Variants in CYSTM1 observed in about 807,000 individuals in gnomAD.
CYSTM1 encodes cysteine-rich transmembrane module-containing protein 1.
Under a neutral mutation model 13.1 loss-of-function variants are expected in CYSTM1, and 4 were observed. The ratio of observed to expected loss-of-function variants is 0.31; its 90% confidence interval spans 0.15 to 0.70. The LOEUF (loss-of-function observed/expected upper bound fraction) is 0.70, where lower values mean the gene tolerates loss of function less well. CYSTM1 is among the 30% of genes least tolerant of loss of function. CYSTM1 has a pLI of 0.72. For missense variants in CYSTM1, 96 were observed against 121.6 expected, an observed-to-expected ratio of 0.79 and a Z score of 0.99; for synonymous variants, 36 against 42.7, an observed-to-expected ratio of 0.84 and a Z score of 0.62.
rs148210899 is a variant in CYSTM1, at chr5:140,224,859, G to T, written c.188-18446G>T. On this transcript the variant is annotated intron_variant, in intron 2 of 2. Coordinates refer to ENST00000261811, the MANE Select transcript of CYSTM1 (RefSeq NM_032412.4). The stretch of plus-strand genomic sequence containing the variant: ...TTATAAGGAGTTGTCTATGCTATGG[G>T]AATACATCAGTCATCGTGGTTTCAC... 2.6e-5 allele frequency among the ~76,000 whole-genome samples: 4 copies of T among 152,260 alleles called. No individual in the cohort carries two copies. The East Asian group carries it at 7.7e-4, about 29-fold the overall frequency.
chr5:140,193,529 G>A (rs1337376931), intron 1 of CYSTM1, among the ~76,000 whole-genome samples: 1 of 152,084 alleles, frequency 6.6e-6, no homozygotes, highest in African/African-American at 2.4e-5. Context: ...CGCCCGCCTC[G>A]GCCTCCCAAA....
intron 2 of CYSTM1, among the ~76,000 whole-genome samples, chr5:140,235,095 T>C (rs1420744710): frequency 6.6e-6 from 1 of 151,720 alleles, no homozygotes; most frequent in African/African-American, 2.4e-5. Context: ...GCCTCCTAAG[T>C]AGCTGGGATT....
At chr5:140,188,431 A>G (rs1296584797) in intron 1 of CYSTM1, among the ~76,000 whole-genome samples, 1 of 152,220 alleles carries the variant, frequency 6.6e-6, no homozygotes, top group Non-Finnish European at 1.5e-5. Flanking sequence ...GCATGGATAT[A>G]TATCTGAAAG....
At chr5:140,182,949 C>T (rs1174617707) in intron 1 of CYSTM1, among the ~76,000 whole-genome samples, 2 of 152,278 alleles carry the variant, frequency 1.3e-5, no homozygotes, top group African/African-American at 4.8e-5. Context: ...CTGCTGCTCC[C>T]TCAGAGGGTC....
intron 2 of CYSTM1, among the ~76,000 whole-genome samples, chr5:140,214,075 G>A (rs1764401634): frequency 6.6e-6 from 1 of 152,204 alleles, no homozygotes; most frequent in African/African-American, 2.4e-5. Flanking sequence ...GATGAGAATG[G>A]TTTTTAGTGA....
chr5:140,239,295 AC>A lies in CYSTM1; in HGVS notation c.188-4008del, dbSNP rs1764720050. Among the ~76,000 whole-genome samples, 1 of 151,988 alleles carries A rather than the reference AC, an allele frequency of 6.6e-6. No homozygotes were observed. Among genetic ancestry groups the A allele is most frequent in the Non-Finnish European group, 1.5e-5 (1 of 67,986 alleles). ...CTTCCTGCAGGTCATCCCTGCCCTG[AC>A]CTCTATGGAAACTGGAGCCCCACTT... is the stretch of plus-strand genomic sequence containing the variant. On this transcript the variant is annotated intron_variant, in intron 2 of 2. Transcript: ENST00000261811. The surrounding 1 kb of genome is among the most constrained non-coding windows in gnomAD (Gnocchi z 5.4).
At chr5:140,206,180 T>C (rs1220217073) in intron 2 of CYSTM1, among the ~76,000 whole-genome samples, 1 of 152,136 alleles carries the variant, frequency 6.6e-6, no homozygotes, top group Non-Finnish European at 1.5e-5. Context: ...TCACTTTCTT[T>C]TGAGCCTTGT....
chr5:140,234,943 T>C (rs1387874114), intron 2 of CYSTM1, among the ~76,000 whole-genome samples: 1 of 151,506 alleles, frequency 6.6e-6, no homozygotes, highest in Admixed American at 6.6e-5. Flanking sequence ...TAATTTCTTC[T>C]GCCTGGTATA....
In CYSTM1 at chr5:140,214,506, T is replaced by C. The variant is rs116805961; in HGVS notation, c.187+19854T>C. Among the ~76,000 whole-genome samples the C allele has an allele frequency of 9.5e-3, 1,447 of 152,312 alleles. 17 individuals carry two copies. Among genetic ancestry groups the C allele is most frequent in the African/African-American group, 0.031 (1,270 of 41,564 alleles). On this transcript the variant is annotated intron_variant, in intron 2 of 2. Transcript: ENST00000261811. Reference sequence around the variant, plus strand: ...CTGGGTTGGCCAGACCTGGCTGGCCTGGGGAAACAAGGTATTTTGAAGTCT... The same window carrying C: ...CTGGGTTGGCCAGACCTGGCTGGCCCGGGGAAACAAGGTATTTTGAAGTCT...
intron 2 of CYSTM1, among the ~76,000 whole-genome samples, chr5:140,238,997 C>T (rs539144874): frequency 2.0e-5 from 3 of 152,276 alleles, no homozygotes; most frequent in African/African-American, 7.2e-5. Flanking sequence ...TAAGGGGCCA[C>T]GGTGCTGCTT....
intron 1 of CYSTM1, among the ~76,000 whole-genome samples, chr5:140,181,922 C>T (rs537320522): frequency 6.6e-5 from 10 of 152,314 alleles, no homozygotes; most frequent in African/African-American, 2.4e-4. Flanking sequence ...CGTGTGACAC[C>T]ACCTTCGGCC....
intron 2 of CYSTM1, among the ~76,000 whole-genome samples, chr5:140,233,584 C>T (rs949042019): frequency 2.0e-5 from 3 of 152,206 alleles, no homozygotes; most frequent in Non-Finnish European, 2.9e-5. Context: ...GCTTTGGCAT[C>T]GTGCGTTCCT....
intron 1 of CYSTM1, among the ~76,000 whole-genome samples, chr5:140,177,595 T>G (rs1431789320): frequency 6.6e-6 from 1 of 151,776 alleles, no homozygotes; most frequent in Non-Finnish European, 1.5e-5. Context: ...CTCAAAGGAG[T>G]GCAAATCCAG....
intron 2 of CYSTM1, among the ~76,000 whole-genome samples, chr5:140,218,292 A>G (rs1764455054): frequency 6.6e-6 from 1 of 152,166 alleles, no homozygotes; most frequent in Admixed American, 6.5e-5. Context: ...ATTGTGTAAA[A>G]TGCAACTGTC....
At chr5:140,195,502 C>T (rs1439684714) in intron 2 of CYSTM1, among the ~76,000 whole-genome samples, 3 of 139,314 alleles carry the variant, frequency 2.2e-5, no homozygotes, top group East Asian at 2.2e-4. Context: ...AGTGCAGTGG[C>T]GCGATCTCGG....
intron 2 of CYSTM1, among the ~76,000 whole-genome samples, chr5:140,215,202 C>A (rs953502533): frequency 6.6e-6 from 1 of 152,146 alleles, no homozygotes; most frequent in Non-Finnish European, 1.5e-5. Flanking sequence ...GAATTTGGTG[C>A]CTTTTAAAAA....
chr5:140,229,226 G>A (rs1764593668), intron 2 of CYSTM1, among the ~76,000 whole-genome samples: 1 of 151,718 alleles, frequency 6.6e-6, no homozygotes, highest in East Asian at 1.9e-4. Flanking sequence ...ATGGAGTCTT[G>A]CTCTGTTACC....
At chr5:140,181,917 G>A (rs1010818089) in intron 1 of CYSTM1, among the ~76,000 whole-genome samples, 1 of 152,196 alleles carries the variant, frequency 6.6e-6, no homozygotes, top group Non-Finnish European at 1.5e-5. Context: ...ACAGGCGTGT[G>A]ACACCACCTT....
At chr5:140,221,849 C>T (rs1764496220) in intron 2 of CYSTM1, among the ~76,000 whole-genome samples, 1 of 152,254 alleles carries the variant, frequency 6.6e-6, no homozygotes, top group African/African-American at 2.4e-5. Flanking sequence ...ACTGGACACT[C>T]ATAATATCAG....
Sources: allele counts gnomAD v4.1 joint callset (sites outside exome capture counted in the v4.1 genomes callset), GRCh38; gene constraint gnomAD v4.1.1; non-coding constraint Gnocchi (gnomAD v3.1); transcripts MANE v1.5; gene names NCBI Gene and HGNC (gene_info 2026-07-23, HGNC 2026-07-21).